The following N4BP1 variants were observed in gnomAD, a reference collection of about 807,000 sequenced individuals.
N4BP1 encodes NEDD4 binding protein 1, also known as NEDD4-binding protein 1.
N4BP1 carries 21 observed loss-of-function variants against 70.9 expected under a neutral mutation model. The ratio of observed to expected loss-of-function variants is 0.30; its 90% CI spans 0.21 to 0.43. The LOEUF (loss-of-function observed/expected upper bound fraction) is 0.43, where lower values mean the gene tolerates loss of function less well. Ranked by LOEUF, N4BP1 falls within the 20% of genes least tolerant of loss-of-function variation. The pLI is 1.00. For synonymous variants in N4BP1, 387 were observed against 394.6 expected, an observed-to-expected ratio of 0.98 and a Z score of 0.23; for missense variants, 936 against 1,069.4, an observed-to-expected ratio of 0.88 and a Z score of 1.74.
chr16:48,605,626 CT>C (rs1427438467), intron 1 of N4BP1, among the ~76,000 whole-genome samples: 1 of 152,188 alleles, frequency 6.6e-6, no homozygotes, highest in African/African-American at 2.4e-5. Flanking sequence ...TCTCTAGCCC[CT>C]GTATTAATGC....
chr16:48,543,587 G>A (rs1039342), intron 6 of N4BP1, among the ~76,000 whole-genome samples: 58,993 of 151,806 alleles, frequency 0.39, 12,126 homozygotes, highest in African/African-American at 0.52. Flanking sequence ...CTTTCAAAAG[G>A]TTTAACAGTG....
Position 48,561,505 on chromosome 16 carries a change from G to A in N4BP1, c.1138C>T (p.Leu380Phe). ...TTTTCTTTTTCAATTTCCTCTAAGA[G>A]CAATAATGGTTCAGTAGATGGTCCA... is the stretch of plus-strand genomic sequence containing the variant. ...VYGPSTEPLL[L>F]LEEIEKENKR... The change falls in exon 2 of 7, where the codon CTC (leucine) becomes TTC (phenylalanine). Residue 380 changes from leucine (L) to phenylalanine (F), a missense_variant. Coordinates refer to ENST00000262384, the MANE Select transcript of N4BP1 (RefSeq NM_153029.4). 1.9e-6 allele frequency: 3 copies of A among 1,613,166 alleles called. No individual in the cohort carries two copies. Among genetic ancestry groups the A allele is most frequent in the Non-Finnish European group, 2.5e-6 (3 of 1,179,700 alleles).
Position 48,572,674 on chromosome 16 carries a change from G to A in N4BP1, c.199-10230C>T, listed in dbSNP as rs955310679. On this transcript the variant is annotated intron_variant, in intron 1 of 6. Transcript: ENST00000262384. ...CTAGAAGTCCAAACATCATAGCTATGCAGCAGACAAGCCGAGGAACCAGTG... is the reference window on the plus strand; with the variant it reads ...CTAGAAGTCCAAACATCATAGCTATACAGCAGACAAGCCGAGGAACCAGTG... Among the ~76,000 whole-genome samples, 8 of 152,162 alleles carry A rather than the reference G, an allele frequency of 5.3e-5. 1 individual carries two copies. The highest frequency in any genetic ancestry group is 3.9e-4 in the Admixed American group (6 of 15,278).
chr16:48,564,309 C>T (rs1008910416), intron 1 of N4BP1, among the ~76,000 whole-genome samples: 2 of 152,196 alleles, frequency 1.3e-5, no homozygotes, highest in African/African-American at 4.8e-5. Context: ...CTAAGTTTTA[C>T]ATTTAAACCT....
At chr16:48,587,789 A>C (rs940929459) in intron 1 of N4BP1, among the ~76,000 whole-genome samples, 12 of 152,218 alleles carry the variant, frequency 7.9e-5, no homozygotes, top group African/African-American at 2.7e-4. Flanking sequence ...TGTTGAACTC[A>C]TGCTCAGGAA....
In N4BP1 at chr16:48,609,942, T is replaced by A. The variant is rs1458658457; in HGVS notation, c.31A>T (p.Thr11Ser). ...AGCTCCGCCTTCTCAGCTGGCGCAGTGAACTCGTCCAGCACCGCCCGGGCC... is the reference window on the plus strand; with the variant it reads ...AGCTCCGCCTTCTCAGCTGGCGCAGAGAACTCGTCCAGCACCGCCCGGGCC... MAARAVLDEF[T>S]APAEKAELLE... The change falls in exon 1 of 7, where the codon ACT becomes TCT. Residue 11 changes from threonine to serine, a missense_variant. Thr to Ser is a moderately conservative substitution (Grantham distance 58). Transcript: ENST00000262384. The A allele has an allele frequency of 2.8e-6, 4 of 1,416,242 alleles. No homozygotes were observed. The highest frequency in any genetic ancestry group is 2.8e-6 in the Non-Finnish European group (3 of 1,079,134). 87.7% of individuals were successfully genotyped at this position (1,416,242 alleles called of 1,614,324 possible).
chr16:48,609,337 C>T (rs569502751), intron 1 of N4BP1, among the ~76,000 whole-genome samples: 13 of 152,326 alleles, frequency 8.5e-5, no homozygotes, highest in Admixed American at 6.5e-4. Flanking sequence ...AGGCTCAGAA[C>T]TGCAGTAGTG....
intron 1 of N4BP1, among the ~76,000 whole-genome samples, chr16:48,588,702 C>T (rs1964285178): frequency 6.6e-6 from 1 of 152,178 alleles, no homozygotes. Flanking sequence ...TACAGCTGTA[C>T]TATCCAAATT....
chr16:48,563,189 C>A lies in N4BP1; in HGVS notation c.199-745G>T, dbSNP rs1475341174. On this transcript the variant is annotated intron_variant, in intron 1 of 6. Coordinates refer to ENST00000262384, the MANE Select transcript of N4BP1 (RefSeq NM_153029.4). Reference sequence around the variant, plus strand: ...TTTAGCCTGGGCAACATGGTGAAACCCCATTTCTACAAAAAATAAGCTGGG... The same window carrying A: ...TTTAGCCTGGGCAACATGGTGAAACACCATTTCTACAAAAAATAAGCTGGG... Among the ~76,000 whole-genome samples, 11 of 151,550 alleles carry A rather than the reference C, an allele frequency of 7.3e-5. No homozygotes were observed. The East Asian group carries it at 1.6e-3, about 21-fold the overall frequency.
chr16:48,590,649 A>G (rs1964323090), intron 1 of N4BP1, among the ~76,000 whole-genome samples: 1 of 152,182 alleles, frequency 6.6e-6, no homozygotes, highest in South Asian at 2.1e-4. Context: ...GGCACTGCCA[A>G]CCCAATGTGC....
intron 1 of N4BP1, among the ~76,000 whole-genome samples, chr16:48,602,820 T>TAAAC (rs1411488456): frequency 6.6e-6 from 1 of 150,870 alleles, no homozygotes; most frequent in Admixed American, 6.6e-5. Flanking sequence ...AATAAATAAA[T>TAAAC]AAATAAATAA....
chr16:48,597,594 G>A (rs1285891055), intron 1 of N4BP1, among the ~76,000 whole-genome samples: 1 of 152,138 alleles, frequency 6.6e-6, no homozygotes, highest in Non-Finnish European at 1.5e-5. Flanking sequence ...CCCCAGAGAG[G>A]AACAGAATCA....
At chr16:48,585,744 G>C (rs1964237175) in intron 1 of N4BP1, among the ~76,000 whole-genome samples, 4 of 151,710 alleles carry the variant, frequency 2.6e-5, no homozygotes. Flanking sequence ...TGCCCAAGCT[G>C]GCGTGCAGTG....
intron 1 of N4BP1, among the ~76,000 whole-genome samples, chr16:48,595,405 C>T (rs563543559): frequency 3.2e-5 from 4 of 126,284 alleles, no homozygotes; most frequent in East Asian, 2.3e-4. Context: ...TGTAGTGAGC[C>T]GAGATCACAC....
At chr16:48,552,937 T>C (rs1963697296) in intron 3 of N4BP1, among the ~76,000 whole-genome samples, 1 of 152,122 alleles carries the variant, frequency 6.6e-6, no homozygotes, top group South Asian at 2.1e-4. Context: ...AGTCCTGTAC[T>C]GACCCTCCTT....
In N4BP1 at chr16:48,561,352, G is replaced by T; in HGVS notation, c.1291C>A (p.Gln431Lys). ...ACCATATTTTGCTGTGTGTGAGCCT[G>T]TGTTTTCTTTGGAGTGGAATCAGTT... is the stretch of plus-strand genomic sequence containing the variant. The part of the protein sequence containing the change: ...LTTDSTPKKT[Q>K]AHTQQNMVEK... Residue 431 changes from glutamine to lysine, a missense_variant, in exon 2 of 7, where the codon CAG becomes AAG. Transcript: ENST00000262384. 6.2e-7 allele frequency: 1 copy of T among 1,613,922 alleles called. No individual in the cohort carries two copies. Among genetic ancestry groups the T allele is most frequent in the Non-Finnish European group, 8.5e-7 (1 of 1,179,868 alleles).
rs754172315 is a variant in N4BP1 at position 48,560,754 on chromosome 16, G to A, written c.1889C>T (p.Thr630Ile). ...AATAATCTGCAGAGAATGGACTTAC[G>A]TAATTGCAACATTGCTCCCATCTAT... ...IVIDGSNVAI[T>I]HGLKKFFSCR... Residue 630 changes from threonine (T) to isoleucine (I), a missense_variant and splice_region_variant, in exon 2 of 7, where the codon ACC becomes ATC. Coordinates refer to ENST00000262384, the MANE Select transcript of N4BP1 (RefSeq NM_153029.4). 5.6e-6 allele frequency: 9 copies of A among 1,593,960 alleles called. No individual in the cohort carries two copies. The highest frequency in any genetic ancestry group is 6.8e-6 in the Non-Finnish European group (8 of 1,171,846).
intron 6 of N4BP1, 73 bp from the exon 7 acceptor site, chr16:48,543,334 AC>A (rs1189970098): frequency 7.9e-7 from 1 of 1,269,040 alleles, no homozygotes; most frequent in South Asian, 1.8e-5. Flanking sequence ...TTTAGAAGGT[AC>A]CTGCGGCAGG....
At chr16:48,543,486 G>C (rs976362707) in intron 6 of N4BP1, among the ~76,000 whole-genome samples, 12 of 152,138 alleles carry the variant, frequency 7.9e-5, no homozygotes, top group African/African-American at 2.7e-4. Flanking sequence ...GAATCAATGC[G>C]CTCTATGAGG....
Sources: allele counts gnomAD v4.1 joint callset (sites outside exome capture counted in the v4.1 genomes callset), GRCh38; gene constraint gnomAD v4.1.1; transcripts MANE v1.5; gene names NCBI Gene and HGNC (gene_info 2026-07-23, HGNC 2026-07-21).